The following ANKEF1 variants were observed in gnomAD, a reference collection of about 807,000 sequenced individuals.
ANKEF1 encodes ankyrin repeat and EF-hand domain containing 1.
Under a neutral mutation model 65.1 loss-of-function variants are expected in ANKEF1, and 43 were observed. That is an observed-to-expected ratio of 0.66 (90% CI 0.52 to 0.85). The LOEUF (loss-of-function observed/expected upper bound fraction) is 0.85, where lower values mean the gene tolerates loss of function less well. ANKEF1 is among the 40% of genes least tolerant of loss of function. The pLI, the probability that ANKEF1 is intolerant of heterozygous loss-of-function variation, is 0.00. For missense variants in ANKEF1, 934 were observed against 952.9 expected, an observed-to-expected ratio of 0.98 and a Z score of 0.26; for synonymous variants, 316 against 341.5, an observed-to-expected ratio of 0.93 and a Z score of 0.82.
intron 10 of ANKEF1, among the ~76,000 whole-genome samples, chr20:10,055,267 C>T (rs1600527544): frequency 6.6e-6 from 1 of 152,038 alleles, no homozygotes; most frequent in Non-Finnish European, 1.5e-5. Flanking sequence ...ATATTTCCGA[C>T]ATTATTTGTC....
At chr20:10,040,108 A>C (rs1023670846) in intron 3 of ANKEF1, among the ~76,000 whole-genome samples, 4 of 152,238 alleles carry the variant, frequency 2.6e-5, no homozygotes, top group Non-Finnish European at 5.9e-5. Context: ...GCAGAACTGA[A>C]ACTATAAAAG....
chr20:10,055,471 C>T (rs755319129), intron 10 of ANKEF1, 31 bp from the exon 11 acceptor site: 13 of 1,609,282 alleles, frequency 8.1e-6, no homozygotes, highest in African/African-American at 1.3e-5. Flanking sequence ...ATACTCATAC[C>T]TGCTGGGGTA....
intron 3 of ANKEF1, among the ~76,000 whole-genome samples, chr20:10,040,834 A>C (rs1440509292): frequency 6.6e-6 from 1 of 152,120 alleles, no homozygotes; most frequent in African/African-American, 2.4e-5. Flanking sequence ...TAATGAATTC[A>C]GCCTCCTCGG....
Position 10,055,688 on chromosome 20 carries a change from T to A in ANKEF1, c.*28T>A, listed in dbSNP as rs1450124393. On this transcript the variant is annotated 3_prime_UTR_variant, in exon 11 of 11. Transcript: ENST00000378392. ...CATAGCAGTTATTTCTTGGGGTAAA[T>A]GCTTTGAGGCCCAGGGACCAATCTT... 1 of 1,612,484 alleles carries A rather than the reference T, an allele frequency of 6.2e-7. No individual in the cohort carries two copies. The highest frequency in any genetic ancestry group is 8.5e-7 in the Non-Finnish European group (1 of 1,178,750).
chr20:10,044,515 A>T lies in ANKEF1; in HGVS notation c.668A>T (p.His223Leu). The change falls in exon 5 of 11, where the codon CAT becomes CTT. Residue 223 changes from histidine to leucine, a missense_variant. Physicochemically the swap from His to Leu is moderately conservative, Grantham distance 99. Coordinates refer to ENST00000378392, the MANE Select transcript of ANKEF1 (RefSeq NM_022096.6). ...AFDNDRHHAA[H>L]FAAKGGFFDI... ...GACAACGACAGGCATCACGCTGCTCATTTTGCTGCTAAAGGAGGCTTTTTC... is the reference window on the plus strand; with the variant it reads ...GACAACGACAGGCATCACGCTGCTCTTTTTGCTGCTAAAGGAGGCTTTTTC... 6.2e-7 allele frequency: 1 copy of T among 1,614,090 alleles called. No homozygotes were observed. The highest frequency in any genetic ancestry group is 8.5e-7 in the Non-Finnish European group (1 of 1,179,968).
At position 10,051,655 on chromosome 20, in the gene ANKEF1, T is replaced by C; in HGVS notation, c.1644-8T>C. Reference sequence around the variant, plus strand: ...ATTTTTAGTTTGTTCATCTATCTTATTTTACAGAGCTAACGTTAATGCAAC... The same window carrying C: ...ATTTTTAGTTTGTTCATCTATCTTACTTTACAGAGCTAACGTTAATGCAAC... On this transcript the variant is annotated splice_polypyrimidine_tract_variant and splice_region_variant and intron_variant, in intron 7 of 10. Transcript: ENST00000378392. 1 of 1,602,918 alleles carries C rather than the reference T, an allele frequency of 6.2e-7. No homozygotes were observed. The highest frequency in any genetic ancestry group is 8.5e-7 in the Non-Finnish European group (1 of 1,171,764).
chr20:10,048,239 GTT>G (rs201358033), intron 6 of ANKEF1, among the ~76,000 whole-genome samples: 8 of 151,206 alleles, frequency 5.3e-5, no homozygotes, highest in Non-Finnish European at 2.9e-5. Context: ...GTGTGTGTGT[GTT>G]TGTGTAGTAA....
chr20:10,038,306 C>G lies in ANKEF1; in HGVS notation c.5C>G (p.Ala2Gly). The change falls in exon 3 of 11, where the codon GCT (alanine) becomes GGT (glycine). Residue 2 changes from alanine to glycine, a missense_variant. Ala to Gly is a moderately conservative substitution (Grantham distance 60). Transcript: ENST00000378392. M[A>G]LADKRLENLQ... ...TTTTCAAGGAGCTGGTCAAGCATGG[C>G]TTTAGCAGATAAGAGACTTGAGAAC... The G allele has an allele frequency of 1.3e-6, 2 of 1,544,028 alleles. No homozygotes were observed. Among genetic ancestry groups the G allele is most frequent in the South Asian group, 2.6e-5 (2 of 77,944 alleles).
chr20:10,050,390 G>T (rs1984790071), intron 7 of ANKEF1, among the ~76,000 whole-genome samples, 178 bp downstream of exon 7: 1 of 152,010 alleles, frequency 6.6e-6, no homozygotes, highest in Non-Finnish European at 1.5e-5. Flanking sequence ...ATTAAAGAAT[G>T]TTATTAAAGA....
At chr20:10,048,857 A>G (rs555452854) in intron 6 of ANKEF1, among the ~76,000 whole-genome samples, 1 of 152,220 alleles carries the variant, frequency 6.6e-6, no homozygotes, top group African/African-American at 2.4e-5. Flanking sequence ...TCATATGGCC[A>G]TACCACAAAA....
intron 6 of ANKEF1, among the ~76,000 whole-genome samples, chr20:10,046,052 C>T (rs1454072370): frequency 6.6e-6 from 1 of 152,062 alleles, no homozygotes; most frequent in Non-Finnish European, 1.5e-5. Flanking sequence ...AGGTGGATCA[C>T]TTGAGGTCAG....
chr20:10,043,051 T>G, intron 3 of ANKEF1, 71 bp from the exon 4 acceptor site: 1 of 1,469,414 alleles, frequency 6.8e-7, no homozygotes, highest in Admixed American at 1.9e-5. Context: ...GGATTTTTAA[T>G]AATTTTACTT....
intron 6 of ANKEF1, among the ~76,000 whole-genome samples, chr20:10,047,651 C>A (rs987657338): frequency 1.4e-4 from 21 of 152,176 alleles, no homozygotes; most frequent in African/African-American, 4.8e-4. Flanking sequence ...AGGAGAGGAG[C>A]TCGTGGAGTC....
Position 10,049,450 on chromosome 20 carries a change from G to A in ANKEF1, c.881G>A (p.Gly294Asp). Residue 294 changes from glycine (G) to aspartate (D), a missense_variant, in exon 7 of 11, where the codon GGC (glycine) becomes GAC (aspartate). Coordinates refer to ENST00000378392, the MANE Select transcript of ANKEF1 (RefSeq NM_022096.6). ...ACGCCCAGGGCTGTGGCTAAGGAAG[G>A]CGGCTTCAAAGCAGCAAGCAAAGAA... is the stretch of plus-strand genomic sequence containing the variant. ...HKTPRAVAKE[G>D]GFKAASKEIR... 2.5e-6 allele frequency: 4 copies of A among 1,614,174 alleles called. No individual in the cohort carries two copies. The highest frequency in any genetic ancestry group is 1.7e-4 in the Middle Eastern group (1 of 6,060).
Position 10,055,661 on chromosome 20 carries a change from G to A in ANKEF1, c.*1G>A. The stretch of plus-strand genomic sequence containing the variant: ...ACTGGAAGCTGCCTTGAAGACCTAA[G>A]TCATAGCAGTTATTTCTTGGGGTAA... On this transcript the variant is annotated 3_prime_UTR_variant, in exon 11 of 11. Transcript: ENST00000378392. 1.2e-6 allele frequency: 2 copies of A among 1,613,608 alleles called. No homozygotes were observed. The highest frequency in any genetic ancestry group is 1.7e-6 in the Non-Finnish European group (2 of 1,179,684).
intron 7 of ANKEF1, among the ~76,000 whole-genome samples, chr20:10,051,022 G>A (rs1913905724): frequency 1.3e-5 from 2 of 152,110 alleles, no homozygotes; most frequent in South Asian, 2.1e-4. Context: ...TATAACCTGG[G>A]TGAGTTTCTT....
chr20:10,043,783 C>T (rs1434865800), intron 4 of ANKEF1, among the ~76,000 whole-genome samples: 5 of 151,206 alleles, frequency 3.3e-5, no homozygotes, highest in South Asian at 4.2e-4. Flanking sequence ...CTCAGCCTCC[C>T]GAGTAGCTGG....
At chr20:10,046,394 A>G (rs570215626) in intron 6 of ANKEF1, among the ~76,000 whole-genome samples, 3 of 152,324 alleles carry the variant, frequency 2.0e-5, no homozygotes, top group South Asian at 4.1e-4. Flanking sequence ...GTCAAATGCA[A>G]AGATAACTTT....
Position 10,055,543 on chromosome 20 carries a change from G to C in ANKEF1, c.2214G>C (p.Lys738Asn). The change falls in exon 11 of 11, where the codon AAG becomes AAC. Residue 738 changes from lysine to asparagine, a missense_variant. Lys to Asn is a moderately conservative substitution (Grantham distance 94). Transcript: ENST00000378392. ...CCACAACAGCAGAGCTGATCAGGAA[G>C]AGGGAACTACGGCGAGAGAGGTTTA... ...PEATTAELIR[K>N]RELRRERFTH... 6.2e-7 allele frequency: 1 copy of C among 1,613,812 alleles called. No homozygotes were observed. Among genetic ancestry groups the C allele is most frequent in the Non-Finnish European group, 8.5e-7 (1 of 1,179,810 alleles).
Sources: gnomAD v4.1 joint callset for allele counts (sites outside exome capture counted in the v4.1 genomes callset) on GRCh38, gnomAD v4.1.1 for gene constraint, MANE v1.5 for transcripts, NCBI Gene and HGNC (gene_info 2026-07-23, HGNC 2026-07-21) for gene names.